Variants in SGCZ observed in about 807,000 individuals in gnomAD.
SGCZ encodes the protein sarcoglycan zeta.
In SGCZ, 40 loss-of-function variants were observed where a neutral mutation model predicts 41.3. The observed-to-expected ratio is 0.97, with a 90% CI of 0.75 to 1.26. The LOEUF (loss-of-function observed/expected upper bound fraction) is 1.26. Among genes scored for constraint, SGCZ ranks in the 50% most tolerant of loss-of-function variants. The pLI, the probability that SGCZ is intolerant of heterozygous loss-of-function variation, is 0.00. For synonymous variants in SGCZ, 206 were observed against 137.5 expected, an observed-to-expected ratio of 1.50 and a Z score of -3.49; for missense variants, 552 against 369.8, an observed-to-expected ratio of 1.49 and a Z score of -4.04.
chr8:14,982,910 G>C (rs550712980), intron 1 of SGCZ, among the ~76,000 whole-genome samples: 12 of 152,254 alleles, frequency 7.9e-5, no homozygotes, highest in African/African-American at 2.2e-4. Context: ...TTGCTATATG[G>C]CATATACTTG....
intron 3 of SGCZ, among the ~76,000 whole-genome samples, chr8:14,274,330 A>G (rs10108790): frequency 0.012 from 1,776 of 152,236 alleles, 28 homozygotes; most frequent in African/African-American, 0.039. Flanking sequence ...TAGCACTGTT[A>G]AGGTTTATTA....
At chr8:14,844,529 T>C (rs995608038) in intron 1 of SGCZ, among the ~76,000 whole-genome samples, 2 of 152,152 alleles carry the variant, frequency 1.3e-5, no homozygotes, top group Admixed American at 1.3e-4. Context: ...CCCTTTACCA[T>C]GAAAATTGTT....
intron 4 of SGCZ, among the ~76,000 whole-genome samples, chr8:14,227,483 G>C (rs1368003625): frequency 6.6e-6 from 1 of 151,886 alleles, no homozygotes; most frequent in Non-Finnish European, 1.5e-5. Flanking sequence ...AGGATTATTG[G>C]ATCAAAACAT....
chr8:15,228,720 G>A (rs1801851949), intron 1 of SGCZ, among the ~76,000 whole-genome samples: 1 of 152,184 alleles, frequency 6.6e-6, no homozygotes, highest in African/African-American at 2.4e-5. Flanking sequence ...AGAACAGGTA[G>A]AGGTGTTAAC....
intron 1 of SGCZ, among the ~76,000 whole-genome samples, chr8:14,739,609 A>T (rs1432448795): frequency 1.3e-5 from 2 of 152,024 alleles, no homozygotes; most frequent in Non-Finnish European, 2.9e-5. Context: ...TTTAATGTAA[A>T]TTCTTCTTTG....
intron 1 of SGCZ, among the ~76,000 whole-genome samples, chr8:15,224,079 C>T (rs902250058): frequency 2.0e-5 from 3 of 152,234 alleles, no homozygotes; most frequent in Admixed American, 6.5e-5. Flanking sequence ...TGGTCTCAAA[C>T]TCCCGACCTC....
In SGCZ at chr8:14,133,664, A is replaced by AT. The variant is rs373626106; in HGVS notation, c.548-25430dup. On this transcript the variant is annotated intron_variant, in intron 5 of 7. Coordinates refer to ENST00000382080, the MANE Select transcript of SGCZ (RefSeq NM_139167.4). The stretch of plus-strand genomic sequence containing the variant: ...ACCATTTTGAAGTCACTTTTTTACT[A>AT]TTTTTTTTAATCAGTGTTTACTTGG... Among the ~76,000 whole-genome samples, 18 of 151,982 alleles carry AT rather than the reference A, an allele frequency of 1.2e-4. No homozygotes were observed. In the East Asian group the frequency reaches 1.9e-3, roughly 16 times the overall value.
chr8:15,123,702 G>C lies in SGCZ; in HGVS notation c.39+113883C>G, dbSNP rs533755494. 2.6e-5 allele frequency among the ~76,000 whole-genome samples: 4 copies of C among 152,214 alleles called. No individual in the cohort carries two copies. The South Asian group carries it at 8.3e-4, about 32-fold the overall frequency. ...TGATAAGTATGACACCAGGACAAAG[G>C]GTGAACAAGGCACCTACCCTTATAC... On this transcript the variant is annotated intron_variant, in intron 1 of 7. Transcript: ENST00000382080.
intron 2 of SGCZ, among the ~76,000 whole-genome samples, chr8:14,434,038 T>C (rs1222122417): frequency 1.3e-5 from 2 of 152,240 alleles, no homozygotes; most frequent in African/African-American, 2.4e-5. Context: ...ATGAAATCCT[T>C]GCCTAAGCCA....
At chr8:15,005,398 C>A (rs1802576653) in intron 1 of SGCZ, among the ~76,000 whole-genome samples, 2 of 137,534 alleles carry the variant, frequency 1.5e-5, no homozygotes, top group Non-Finnish European at 3.0e-5. Context: ...GTGGCGTGAT[C>A]TCGGCTCATC....
intron 1 of SGCZ, among the ~76,000 whole-genome samples, chr8:14,676,968 A>G (rs949973085): frequency 2.6e-5 from 4 of 152,258 alleles, no homozygotes; most frequent in East Asian, 1.9e-4. Flanking sequence ...AGTTAATGCA[A>G]TAAGAAAGAA....
intron 1 of SGCZ, among the ~76,000 whole-genome samples, chr8:14,654,431 T>C (rs761043249): frequency 6.6e-6 from 1 of 152,090 alleles, no homozygotes; most frequent in Non-Finnish European, 1.5e-5. Flanking sequence ...TAATAATGCC[T>C]ATTTATAGTA....
At chr8:14,817,729 T>G (rs2130557870) in intron 1 of SGCZ, among the ~76,000 whole-genome samples, 1 of 152,270 alleles carries the variant, frequency 6.6e-6, no homozygotes, top group African/African-American at 2.4e-5. Flanking sequence ...GAGAAGCTGC[T>G]AAATAGCCAG....
rs1798991252 is a variant in SGCZ at position 15,144,715 on chromosome 8, C to A, written c.39+92870G>T. 2.6e-5 allele frequency among the ~76,000 whole-genome samples: 4 copies of A among 152,190 alleles called. No homozygotes were observed. The South Asian group carries it at 8.3e-4, about 32-fold the overall frequency. ...AGGTGGTCTGCCCATCTTTGGCCTC[C>A]CAAAGTGCTGGGGTTACAGGCATGA... On this transcript the variant is annotated intron_variant, in intron 1 of 7. Coordinates refer to ENST00000382080, the MANE Select transcript of SGCZ (RefSeq NM_139167.4).
intron 5 of SGCZ, among the ~76,000 whole-genome samples, chr8:14,138,577 A>G (rs1435986107): frequency 6.6e-6 from 1 of 152,086 alleles, no homozygotes; most frequent in East Asian, 1.9e-4. Context: ...ACCAACAAAG[A>G]TCAAAAGAGA....
At chr8:14,667,913 T>C (rs957723702) in intron 1 of SGCZ, among the ~76,000 whole-genome samples, 3 of 152,140 alleles carry the variant, frequency 2.0e-5, no homozygotes, top group African/African-American at 7.2e-5. Context: ...AGTTTACAAA[T>C]ACTTCAATGA....
At chr8:14,219,827 T>G (rs1173373768) in intron 4 of SGCZ, among the ~76,000 whole-genome samples, 4 of 139,426 alleles carry the variant, frequency 2.9e-5, no homozygotes, top group African/African-American at 1.1e-4. Context: ...GCCAACCGAC[T>G]ACCACTTCTT....
chr8:14,340,761 A>G (rs1802674833), intron 2 of SGCZ, among the ~76,000 whole-genome samples: 1 of 152,160 alleles, frequency 6.6e-6, no homozygotes, highest in Non-Finnish European at 1.5e-5. Flanking sequence ...TGGAGGTAAC[A>G]TGCTTTTTTA....
intron 1 of SGCZ, among the ~76,000 whole-genome samples, chr8:14,677,226 A>T (rs535428981): frequency 1.9e-4 from 29 of 152,136 alleles, no homozygotes; most frequent in African/African-American, 6.7e-4. Flanking sequence ...TCCAAAAATA[A>T]AATACTTAGA....
Sources: allele counts gnomAD v4.1 joint callset (sites outside exome capture counted in the v4.1 genomes callset), GRCh38; gene constraint gnomAD v4.1.1; transcripts MANE v1.5; gene names NCBI Gene and HGNC (gene_info 2026-07-23, HGNC 2026-07-21).